Variants in KIDINS220 observed in about 807,000 individuals in gnomAD.
KIDINS220 encodes the protein kinase D-interacting substrate of 220 kDa.
Under a neutral mutation model 157.6 loss-of-function variants are expected in KIDINS220, and 63 were observed. The ratio of observed to expected loss-of-function variants is 0.40; its 90% CI spans 0.33 to 0.49. The LOEUF (loss-of-function observed/expected upper bound fraction) is 0.49. Among genes scored for constraint, KIDINS220 ranks in the 20% least tolerant of loss-of-function variants. The pLI is 0.66. For synonymous variants in KIDINS220, 732 were observed against 783.6 expected (o/e 0.93, Z 1.10); for missense variants, 1,772 against 2,171.2 (o/e 0.82, Z 3.65).
downstream of KIDINS220, among the ~76,000 whole-genome samples, chr2:8,727,422 A>T (rs1348194994): frequency 6.6e-6 from 1 of 152,228 alleles, no homozygotes; most frequent in African/African-American, 2.4e-5. Context: ...TTCCTGGTAG[A>T]TAGGTTGATT....
At chr2:8,788,919 C>G in intron 14 of KIDINS220, 107 bp from the exon 15 acceptor site, 2 of 927,956 alleles carry the variant, frequency 2.2e-6, no homozygotes, top group South Asian at 3.3e-5. Context: ...ACATAGCTTC[C>G]TATGGTCCCA....
At chr2:8,832,780 A>C (rs759788585) in intron 1 of KIDINS220, among the ~76,000 whole-genome samples, 15 of 152,364 alleles carry the variant, frequency 9.8e-5, no homozygotes, top group Admixed American at 2.0e-4. Context: ...TTTCGGCTTA[A>C]AACGAAGCTG....
At chr2:8,722,497 G>C (rs967579038), downstream of KIDINS220, 1 of 152,176 alleles carries the variant, frequency 6.6e-6, no homozygotes, top group African/African-American at 2.4e-5. Context: ...GAGCCCCCCA[G>C]GAACACATCC....
chr2:8,774,285 G>C (rs1281659777), intron 21 of KIDINS220, among the ~76,000 whole-genome samples: 1 of 141,470 alleles, frequency 7.1e-6, no homozygotes, highest in African/African-American at 2.6e-5. Context: ...GACAGGGTGA[G>C]ACTCTGTCTC....
chr2:8,754,144 C>T (rs532139299), intron 22 of KIDINS220, among the ~76,000 whole-genome samples: 4 of 152,300 alleles, frequency 2.6e-5, no homozygotes, highest in Admixed American at 6.5e-5. Context: ...GATAAAAACA[C>T]ACAGCTGACA....
chr2:8,779,703 G>T lies in KIDINS220; in HGVS notation c.2341C>A (p.Gln781Lys). The stretch of plus-strand genomic sequence containing the variant: ...TCCAGCATCTGAAGGACTTTGTCCT[G>T]CTCACAGGCATCTAATCCATCGATG... ...VIIDGLDACE[Q>K]DKVLQMLDTV... Residue 781 changes from glutamine to lysine, a missense_variant, in exon 18 of 30, where the codon CAG (glutamine) becomes AAG (lysine). This residue lies in a region of KIDINS220 where 725 missense variants were observed against 1,017.1 expected (regional missense o/e 0.71). Coordinates refer to ENST00000256707, the MANE Select transcript of KIDINS220 (RefSeq NM_020738.4). 1 of 1,614,116 alleles carries T rather than the reference G, an allele frequency of 6.2e-7. No individual in the cohort carries two copies. Among genetic ancestry groups the T allele is most frequent in the Non-Finnish European group, 8.5e-7 (1 of 1,179,992 alleles).
At chr2:8,765,868 T>C (rs1669417979) in intron 22 of KIDINS220, among the ~76,000 whole-genome samples, 1 of 152,082 alleles carries the variant, frequency 6.6e-6, no homozygotes, top group African/African-American at 2.4e-5. Flanking sequence ...CATGCCCGAC[T>C]CTATTAATCA....
chr2:8,781,153 A>ATATATATTATAT (rs70946383), intron 17 of KIDINS220, among the ~76,000 whole-genome samples: 12 of 130,394 alleles, frequency 9.2e-5, no homozygotes, highest in African/African-American at 3.1e-4. Flanking sequence ...ATATATATAT[A>ATATATATTATAT]ATATATATAT....
Position 8,796,649 on chromosome 2 carries a change from A to T in KIDINS220, c.1098+122T>A, listed in dbSNP as rs181975801. The stretch of plus-strand genomic sequence containing the variant: ...TGTGGGATCCAAAGCCCACACAGAC[A>T]TCCCCAGCAAGTCATCTCTCCCCAC... On this transcript the variant is annotated intron_variant, in intron 11 of 29. Coordinates refer to ENST00000256707, the MANE Select transcript of KIDINS220 (RefSeq NM_020738.4). The T allele has an allele frequency of 1.9e-5, 15 of 778,928 alleles. No homozygotes were observed. The African/African-American group carries it at 2.4e-4, about 12-fold the overall frequency. 48.3% of individuals were successfully genotyped at this position (778,928 alleles called of 1,614,324 possible).
intron 2 of KIDINS220, among the ~76,000 whole-genome samples, chr2:8,821,963 T>A (rs1265987388): frequency 6.6e-6 from 1 of 152,084 alleles, no homozygotes; most frequent in African/African-American, 2.4e-5. Context: ...ACCCCACACA[T>A]CCCAGCAAAT....
chr2:8,731,797 A>G lies in KIDINS220; in HGVS notation c.4239T>C (p.His1413=), dbSNP rs750930757. The change falls in exon 30 of 30, where the codon CAT becomes CAC. Residue 1413 remains histidine, a synonymous_variant. Transcript: ENST00000256707. This position sits in a 1 kb window ranked among gnomAD's most constrained non-coding sequence, Gnocchi z 5.2. ...AACTCTGACCCATGTAATATGTGCTATGTGGAGAAGATCTGCCACTAATGG... is the reference window on the plus strand; with the variant it reads ...AACTCTGACCCATGTAATATGTGCTGTGTGGAGAAGATCTGCCACTAATGG... ...STTISGRSSP[H]STYYMGQSSS... is the part of the protein sequence containing the mutation. The G allele has an allele frequency of 1.4e-5, 22 of 1,614,002 alleles. No individual in the cohort carries two copies. Among genetic ancestry groups the G allele is most frequent in the Admixed American group, 6.7e-5 (4 of 59,998 alleles).
At chr2:8,757,356 T>A in intron 22 of KIDINS220, 1 of 1,059,018 alleles carries the variant, frequency 9.4e-7, no homozygotes, top group Non-Finnish European at 1.1e-6. Flanking sequence ...TTCAACTAAA[T>A]ATCTATTTTT....
At chr2:8,752,595 C>T (rs1303174498) in intron 22 of KIDINS220, among the ~76,000 whole-genome samples, 2 of 152,074 alleles carry the variant, frequency 1.3e-5, no homozygotes, top group Admixed American at 6.5e-5. Context: ...CAAAGTCACA[C>T]AACTACGAAA....
intron 26 of KIDINS220, among the ~76,000 whole-genome samples, chr2:8,744,977 C>A (rs764520665): frequency 6.6e-6 from 1 of 152,108 alleles, no homozygotes; most frequent in Non-Finnish European, 1.5e-5. Context: ...ATATGCAGAG[C>A]ACCTTTGTTG....
chr2:8,727,077 A>G, downstream of KIDINS220: 1 of 1,005,710 alleles, frequency 9.9e-7, no homozygotes, highest in Non-Finnish European at 1.3e-6. Context: ...ATACGTTTCT[A>G]TTTTTCAATT....
chr2:8,789,577 A>G (rs1255194578), intron 14 of KIDINS220, among the ~76,000 whole-genome samples: 1 of 152,146 alleles, frequency 6.6e-6, no homozygotes, highest in Non-Finnish European at 1.5e-5. Flanking sequence ...CGTGAGAGCC[A>G]CCGCACCCGG....
rs371987705 is a variant in KIDINS220 at position 8,750,135 on chromosome 2, G to A, written c.3391C>T (p.Pro1131Ser). The change falls in exon 24 of 30, where the codon CCT becomes TCT. Residue 1131 changes from proline (P) to serine (S), a missense_variant. By Grantham distance (74) the Pro-to-Ser change is moderately conservative. Coordinates refer to ENST00000256707, the MANE Select transcript of KIDINS220 (RefSeq NM_020738.4). The part of the protein sequence containing the change: ...HSSYYSGMTG[P>S]QHPFYNRPFF... ...ACCCTGTTGTAGAAGGGATGCTGAG[G>A]GCCCGTCATGCCGCTGTAATAGCTG... The A allele has an allele frequency of 1.2e-6, 2 of 1,614,064 alleles. No individual in the cohort carries two copies. The highest frequency in any genetic ancestry group is 2.7e-5 in the African/African-American group (2 of 75,026).
At chr2:8,732,567 C>T (rs536279907) in intron 29 of KIDINS220, among the ~76,000 whole-genome samples, 6 of 152,224 alleles carry the variant, frequency 3.9e-5, no homozygotes, top group Admixed American at 3.9e-4. Flanking sequence ...TTAGAATTTG[C>T]TTCAGATCCC....
intron 26 of KIDINS220, 57 bp downstream of exon 26, chr2:8,747,088 T>A: frequency 6.7e-7 from 1 of 1,486,146 alleles, no homozygotes; most frequent in South Asian, 1.1e-5. Flanking sequence ...AGACAGTCAT[T>A]ACTGAGGCAG....
Sources: gnomAD v4.1 joint callset for allele counts (sites outside exome capture counted in the v4.1 genomes callset) on GRCh38, gnomAD v4.1.1 for gene constraint, gnomAD v4.1.1 regional missense constraint, Gnocchi (gnomAD v3.1) non-coding constraint, MANE v1.5 for transcripts, NCBI Gene and HGNC (gene_info 2026-07-23, HGNC 2026-07-21) for gene names.